The following PPFIA2 variants were observed in gnomAD, a reference collection of about 807,000 sequenced individuals.
PPFIA2 encodes the protein liprin-alpha-2.
PPFIA2 carries 46 observed loss-of-function variants against 175.5 expected under a neutral mutation model. That is an observed-to-expected ratio of 0.26 (90% CI 0.21 to 0.34). The LOEUF (loss-of-function observed/expected upper bound fraction) is 0.34. Ranked by LOEUF, PPFIA2 falls within the 10% of genes least tolerant of loss-of-function variation. The pLI is 1.00. For missense variants in PPFIA2, 1,179 were observed against 1,506.1 expected, an observed-to-expected ratio of 0.78 and a Z score of 3.60; for synonymous variants, 568 against 511.4, an observed-to-expected ratio of 1.11 and a Z score of -1.49.
intron 5 of PPFIA2, among the ~76,000 whole-genome samples, chr12:81,446,094 G>T (rs770033884): frequency 6.6e-6 from 1 of 152,140 alleles, no homozygotes; most frequent in Non-Finnish European, 1.5e-5. Flanking sequence ...CATAGTGACA[G>T]TCAAAATTTA....
At chr12:81,571,405 A>T (rs1270231369) in intron 4 of PPFIA2, among the ~76,000 whole-genome samples, 1 of 152,120 alleles carries the variant, frequency 6.6e-6, no homozygotes, top group Non-Finnish European at 1.5e-5. Flanking sequence ...CCCTGCTGCC[A>T]TTTGACCTAG....
intron 19 of PPFIA2, 52 bp downstream of exon 19, chr12:81,344,612 A>G (rs972151655): frequency 1.0e-5 from 13 of 1,305,514 alleles, no homozygotes; most frequent in Non-Finnish European, 1.3e-5. Flanking sequence ...TAAAGCTTTC[A>G]TAGAATAAAA....
At position 81,695,446 on chromosome 12, in the gene PPFIA2, T is replaced by C. The variant is rs567861698; in HGVS notation, c.250-18602A>G. 5.3e-5 allele frequency among the ~76,000 whole-genome samples: 8 copies of C among 152,266 alleles called. No individual in the cohort carries two copies. The East Asian group carries it at 1.6e-3, about 30-fold the overall frequency. On this transcript the variant is annotated intron_variant, in intron 3 of 32. Transcript: ENST00000549396. ...CTTGCTTGCTCCTACTTTTGCCATG[T>C]GATATGCCTGTTCCCCCTTCACCTT...
chr12:81,643,456 C>G (rs1217801912), intron 4 of PPFIA2, among the ~76,000 whole-genome samples: 1 of 151,926 alleles, frequency 6.6e-6, no homozygotes, highest in Non-Finnish European at 1.5e-5. Context: ...TCATTAGATG[C>G]AACAAATTAT....
intron 4 of PPFIA2, among the ~76,000 whole-genome samples, chr12:81,469,955 C>T (rs1025446001): frequency 1.3e-5 from 2 of 152,198 alleles, no homozygotes; most frequent in Non-Finnish European, 1.5e-5. Context: ...CAAGCCAGAA[C>T]GAGGTCTCAG....
intron 4 of PPFIA2, among the ~76,000 whole-genome samples, chr12:81,504,804 C>A (rs1014627373): frequency 3.9e-5 from 6 of 152,258 alleles, no homozygotes; most frequent in South Asian, 4.1e-4. Flanking sequence ...CCATGGAATA[C>A]TATGCAGCCA....
At chr12:81,386,883 C>T (rs1193602863) in intron 8 of PPFIA2, among the ~76,000 whole-genome samples, 1 of 152,034 alleles carries the variant, frequency 6.6e-6, no homozygotes, top group East Asian at 1.9e-4. Flanking sequence ...CAATGTAATG[C>T]AAATTTTTTT....
intron 3 of PPFIA2, among the ~76,000 whole-genome samples, chr12:81,744,420 C>CTTTTT (rs1167414059): frequency 6.7e-5 from 8 of 118,934 alleles, no homozygotes; most frequent in Non-Finnish European, 1.1e-4. Context: ...GAAATGCTTT[C>CTTTTT]TTTTTTTTTT....
At chr12:81,502,254 C>T (rs921973249) in intron 4 of PPFIA2, among the ~76,000 whole-genome samples, 1 of 152,122 alleles carries the variant, frequency 6.6e-6, no homozygotes, top group Non-Finnish European at 1.5e-5. Context: ...GCAGTTGCTG[C>T]CTACATAAAA....
intron 8 of PPFIA2, among the ~76,000 whole-genome samples, chr12:81,403,303 G>A (rs981483316): frequency 5.3e-5 from 8 of 152,128 alleles, no homozygotes; most frequent in African/African-American, 1.7e-4. Context: ...TCCTCCATAT[G>A]TGCACTTATA....
At chr12:81,738,909 CAGAAA>C (rs1287699628) in intron 3 of PPFIA2, among the ~76,000 whole-genome samples, 1 of 151,700 alleles carries the variant, frequency 6.6e-6, no homozygotes, top group Non-Finnish European at 1.5e-5. Flanking sequence ...CAAACATTAA[CAGAAA>C]AGAAATCTGC....
chr12:81,618,695 AT>A (rs550730810), intron 4 of PPFIA2, among the ~76,000 whole-genome samples: 5 of 150,824 alleles, frequency 3.3e-5, no homozygotes, highest in African/African-American at 9.7e-5. Flanking sequence ...CGCCCAGCTA[AT>A]TTTTTTTTGT....
At chr12:81,379,125 A>C (rs1253933750) in intron 9 of PPFIA2, among the ~76,000 whole-genome samples, 1 of 152,188 alleles carries the variant, frequency 6.6e-6, no homozygotes, top group Non-Finnish European at 1.5e-5. Context: ...TGGGAGATTC[A>C]ATTTTTAACT....
At chr12:81,346,395 G>A (rs1218947115) in intron 18 of PPFIA2, among the ~76,000 whole-genome samples, 1 of 151,400 alleles carries the variant, frequency 6.6e-6, no homozygotes, top group African/African-American at 2.4e-5. Context: ...GTTTTGCCAC[G>A]AGAATTAAAT....
intron 28 of PPFIA2, among the ~76,000 whole-genome samples, chr12:81,273,544 A>G (rs754285215): frequency 2.6e-4 from 40 of 152,156 alleles, no homozygotes; most frequent in Non-Finnish European, 5.3e-4. Context: ...CTGACTTAAT[A>G]TGCTCCAATC....
intron 7 of PPFIA2, among the ~76,000 whole-genome samples, chr12:81,429,280 A>G (rs879810247): frequency 2.6e-5 from 4 of 152,060 alleles, no homozygotes; most frequent in Non-Finnish European, 4.4e-5. Flanking sequence ...AGTAATTTGC[A>G]AAGGCCCCTC....
At chr12:81,281,144 A>C in intron 27 of PPFIA2, 113 bp downstream of exon 27, 2 of 828,716 alleles carry the variant, frequency 2.4e-6, no homozygotes, top group Non-Finnish European at 3.6e-6. Flanking sequence ...ACGATGTTTC[A>C]AATGACATAT....
intron 3 of PPFIA2, among the ~76,000 whole-genome samples, chr12:81,730,633 A>C (rs1411728846): frequency 6.6e-6 from 1 of 151,672 alleles, no homozygotes; most frequent in Non-Finnish European, 1.5e-5. Flanking sequence ...GGGTGGGGAC[A>C]CAGAGCTATT....
At position 81,688,150 on chromosome 12, in the gene PPFIA2, C is replaced by A. The variant is rs144387289; in HGVS notation, c.250-11306G>T. Among the ~76,000 whole-genome samples, 43 of 151,958 alleles carry A rather than the reference C, an allele frequency of 2.8e-4. No individual in the cohort carries two copies. In the East Asian group the frequency reaches 8.0e-3, roughly 28 times the overall value. On this transcript the variant is annotated intron_variant, in intron 3 of 32. Transcript: ENST00000549396. ...CATATTAAAGCATATTATTTTCATT[C>A]TTCCTAATAAAAAAATGAGTAATCT...
Sources: allele counts gnomAD v4.1 joint callset (sites outside exome capture counted in the v4.1 genomes callset), GRCh38; gene constraint gnomAD v4.1.1; transcripts MANE v1.5; gene names NCBI Gene and HGNC (gene_info 2026-07-23, HGNC 2026-07-21).